Variants in ZNF678 observed in about 807,000 individuals in gnomAD.
ZNF678 encodes the protein zinc finger protein 678, also known as hypothetical protein MGC42493.
ZNF678 carries 5 observed loss-of-function variants against 3.0 expected under a neutral mutation model. The ratio of observed to expected loss-of-function variants is 1.69; its 90% CI spans 0.88 to 3.56. The LOEUF (loss-of-function observed/expected upper bound fraction) is 3.56. Among genes scored for constraint, ZNF678 ranks in the 30% most tolerant of loss-of-function variants. The pLI is 0.00. For synonymous variants in ZNF678, 218 were observed against 199.6 expected, an observed-to-expected ratio of 1.09 and a Z score of -0.78; for missense variants, 593 against 605.0, an observed-to-expected ratio of 0.98 and a Z score of 0.21.
Position 227,655,834 on chromosome 1 carries a change from G to A in ZNF678, c.*6G>A. On this transcript the variant is annotated 3_prime_UTR_variant, in exon 4 of 4. Coordinates refer to ENST00000343776, the MANE Select transcript of ZNF678 (RefSeq NM_001367909.1). ...AAAAATGTGGCAGTCTTTAAAAACTGCTTCATTATACATGGCTTCACTAAT... is the reference window on the plus strand; with the variant it reads ...AAAAATGTGGCAGTCTTTAAAAACTACTTCATTATACATGGCTTCACTAAT... The A allele has an allele frequency of 6.4e-7, 1 of 1,552,840 alleles. No individual in the cohort carries two copies. The highest frequency in any genetic ancestry group is 8.7e-7 in the Non-Finnish European group (1 of 1,154,646).
At chr1:227,570,543 A>G (rs1267040487) in intron 1 of ZNF678, among the ~76,000 whole-genome samples, 1 of 152,184 alleles carries the variant, frequency 6.6e-6, no homozygotes, top group Admixed American at 6.5e-5. Flanking sequence ...TATACTGTCC[A>G]GGCTGTTCTT....
At chr1:227,564,153 T>C (rs1656609792) in intron 1 of ZNF678, among the ~76,000 whole-genome samples, 1 of 152,194 alleles carries the variant, frequency 6.6e-6, no homozygotes, top group Non-Finnish European at 1.5e-5. Context: ...GGTGTGTGGC[T>C]TGTGGGTTTA....
At chr1:227,646,082 A>C (rs569255734) in intron 1 of ZNF678, among the ~76,000 whole-genome samples, 1 of 152,368 alleles carries the variant, frequency 6.6e-6, no homozygotes, top group South Asian at 2.1e-4. Flanking sequence ...CTTGGTTCAG[A>C]AGCATTGGCA....
At chr1:227,585,229 G>A (rs926432477) in intron 1 of ZNF678, among the ~76,000 whole-genome samples, 2 of 152,158 alleles carry the variant, frequency 1.3e-5, no homozygotes, top group African/African-American at 4.8e-5. Context: ...ACATGGGCTC[G>A]TGGACATCTG....
intron 1 of ZNF678, among the ~76,000 whole-genome samples, chr1:227,641,759 C>CA (rs71732048): frequency 0.033 from 4,810 of 145,614 alleles, 226 homozygotes; most frequent in African/African-American, 0.11. Context: ...CATATTTCTA[C>CA]AAAAAAAAAA....
chr1:227,645,665 AG>A (rs1371298500), intron 1 of ZNF678, among the ~76,000 whole-genome samples: 1 of 152,222 alleles, frequency 6.6e-6, no homozygotes, highest in Non-Finnish European at 1.5e-5. Flanking sequence ...GATTAGTTAA[AG>A]GAAAGTTGAT....
At chr1:227,573,254 AT>A (rs890955240) in intron 1 of ZNF678, among the ~76,000 whole-genome samples, 6 of 152,016 alleles carry the variant, frequency 3.9e-5, no homozygotes, top group South Asian at 2.1e-4. Context: ...CCTTTTAATA[AT>A]TTTTTTTGTA....
At chr1:227,569,224 A>C (rs1228680733) in intron 1 of ZNF678, among the ~76,000 whole-genome samples, 1 of 152,156 alleles carries the variant, frequency 6.6e-6, no homozygotes, top group Admixed American at 6.6e-5. Context: ...TCCTGGCCTC[A>C]AGGTTGCTTT....
intron 1 of ZNF678, among the ~76,000 whole-genome samples, chr1:227,644,170 A>G (rs1571909817): frequency 1.3e-5 from 2 of 152,178 alleles, no homozygotes; most frequent in East Asian, 1.9e-4. Flanking sequence ...TGGCCTATAC[A>G]TTTTATTTTT....
intron 1 of ZNF678, among the ~76,000 whole-genome samples, chr1:227,593,343 A>C (rs1307608760): frequency 6.6e-6 from 1 of 152,206 alleles, no homozygotes; most frequent in South Asian, 2.1e-4. Flanking sequence ...GTTTGTTTTA[A>C]GTCTTTAACT....
chr1:227,575,605 C>G (rs1656968361), intron 1 of ZNF678, among the ~76,000 whole-genome samples: 1 of 152,094 alleles, frequency 6.6e-6, no homozygotes, highest in African/African-American at 2.4e-5. Flanking sequence ...TATCCTGAGA[C>G]TTTACTGAAG....
intron 1 of ZNF678, among the ~76,000 whole-genome samples, chr1:227,627,891 G>A (rs1264768179): frequency 3.3e-5 from 5 of 152,192 alleles, no homozygotes; most frequent in Admixed American, 1.3e-4. Flanking sequence ...CCTCTAGAAG[G>A]TCCCCTCGAG....
chr1:227,577,699 T>G (rs1197089386), intron 1 of ZNF678, among the ~76,000 whole-genome samples: 1 of 152,182 alleles, frequency 6.6e-6, no homozygotes, highest in African/African-American at 2.4e-5. Context: ...ATCTTGACAT[T>G]CTGTGTCTTT....
At chr1:227,639,146 C>T (rs1658754779) in intron 1 of ZNF678, among the ~76,000 whole-genome samples, 1 of 152,116 alleles carries the variant, frequency 6.6e-6, no homozygotes, top group African/African-American at 2.4e-5. Context: ...CCAGTGGGGT[C>T]CTCTGCAGAG....
chr1:227,637,304 A>G (rs114422893), intron 1 of ZNF678, among the ~76,000 whole-genome samples: 10,278 of 152,288 alleles, frequency 0.067, 496 homozygotes, highest in Middle Eastern at 0.2. Flanking sequence ...AATAGAGAAT[A>G]CAGTTGGAGG....
intron 1 of ZNF678, among the ~76,000 whole-genome samples, chr1:227,616,628 CA>C (rs1174096580): frequency 6.6e-6 from 1 of 152,214 alleles, no homozygotes; most frequent in African/African-American, 2.4e-5. Context: ...GAAAGAGGCA[CA>C]ATACCTTTTG....
At chr1:227,581,116 G>A (rs1187981018) in intron 1 of ZNF678, among the ~76,000 whole-genome samples, 1 of 151,878 alleles carries the variant, frequency 6.6e-6, no homozygotes, top group Non-Finnish European at 1.5e-5. Flanking sequence ...AATAGAAAAT[G>A]TAGTATGGTT....
chr1:227,649,342 T>C (rs987960629), intron 2 of ZNF678, among the ~76,000 whole-genome samples: 111 of 152,320 alleles, frequency 7.3e-4, no homozygotes, highest in East Asian at 5.8e-4. Flanking sequence ...TTTCTGTTTC[T>C]TCACATTGTG....
At chr1:227,592,556 T>G (rs1456380591) in intron 1 of ZNF678, among the ~76,000 whole-genome samples, 2 of 152,270 alleles carry the variant, frequency 1.3e-5, no homozygotes, top group African/African-American at 4.8e-5. Context: ...GAGTTTTTCT[T>G]TAACTCATGA....
Sources: gnomAD v4.1 joint callset for allele counts (sites outside exome capture counted in the v4.1 genomes callset) on GRCh38, gnomAD v4.1.1 for gene constraint, MANE v1.5 for transcripts, NCBI Gene and HGNC (gene_info 2026-07-23, HGNC 2026-07-21) for gene names.